Variants in TENM3 observed in about 807,000 individuals in gnomAD.
TENM3 encodes teneurin transmembrane protein 3.
A neutral mutation model predicts 255.1 loss-of-function variants in TENM3; 63 were observed. The ratio of observed to expected loss-of-function variants is 0.25; its 90% CI spans 0.20 to 0.30. The LOEUF (loss-of-function observed/expected upper bound fraction) is 0.30. TENM3 is among the 10% of genes least tolerant of loss of function. The probability of loss-of-function intolerance (pLI) is 1.00; values close to 1 mark genes in which losing one functional copy is unlikely to be tolerated. For synonymous variants in TENM3, 1,306 were observed against 1,322.3 expected, an observed-to-expected ratio of 0.99 and a Z score of 0.27; for missense variants, 2,929 against 3,461.1, an observed-to-expected ratio of 0.85 and a Z score of 3.86.
the TENM3 span, among the ~76,000 whole-genome samples, chr4:182,066,289 C>T: frequency 1.3e-5 from 2 of 152,188 alleles, no homozygotes; most frequent in South Asian, 4.1e-4. Context: ...TTTATACACC[C>T]TCTGGGAGAA....
chr4:181,844,193 C>T, the TENM3 span, among the ~76,000 whole-genome samples: 1 of 152,062 alleles, frequency 6.6e-6, no homozygotes, highest in Non-Finnish European at 1.5e-5. Flanking sequence ...AGGCAAAGCC[C>T]TCGTGACGTA....
chr4:182,339,387 C>T (rs1764336720), intron 2 of TENM3, among the ~76,000 whole-genome samples: 1 of 152,176 alleles, frequency 6.6e-6, no homozygotes, highest in East Asian at 1.9e-4. Flanking sequence ...TCTAGTTTAT[C>T]ATTGTTTCAT....
intron 3 of TENM3, among the ~76,000 whole-genome samples, chr4:182,422,878 C>G (rs1770938603): frequency 6.6e-6 from 1 of 152,162 alleles, no homozygotes; most frequent in African/African-American, 2.4e-5. Context: ...TTGCCCCCTT[C>G]TTCCAGATGA....
At chr4:181,672,862 T>C in the TENM3 span, among the ~76,000 whole-genome samples, 1 of 152,174 alleles carries the variant, frequency 6.6e-6, no homozygotes, top group African/African-American at 2.4e-5. Context: ...GTTAAGTACT[T>C]TGCCCTTGTC....
intron 1 of TENM3, among the ~76,000 whole-genome samples, chr4:182,305,817 A>G (rs1406104467): frequency 6.6e-6 from 1 of 152,224 alleles, no homozygotes; most frequent in Admixed American, 6.5e-5. Context: ...ACTTCACAGA[A>G]GCCCATTTCA....
intron 3 of TENM3, among the ~76,000 whole-genome samples, chr4:182,584,494 T>C (rs1325981426): frequency 6.6e-6 from 1 of 152,198 alleles, no homozygotes; most frequent in Non-Finnish European, 1.5e-5. Flanking sequence ...GAAGCAAATT[T>C]TAGTCAATAC....
chr4:182,479,917 T>A (rs1408181674), intron 3 of TENM3, among the ~76,000 whole-genome samples: 1 of 151,994 alleles, frequency 6.6e-6, no homozygotes, highest in African/African-American at 2.4e-5. Context: ...AATTATAAAG[T>A]CTTTTTCCCT....
the TENM3 span, among the ~76,000 whole-genome samples, chr4:181,829,397 T>C: frequency 6.6e-6 from 1 of 152,162 alleles, no homozygotes; most frequent in African/African-American, 2.4e-5. Flanking sequence ...TGGGGCTAAA[T>C]ATGTGTTAAA....
At chr4:181,714,119 G>A in the TENM3 span, among the ~76,000 whole-genome samples, 334 of 152,286 alleles carry the variant, frequency 2.2e-3, 1 homozygote, top group Non-Finnish European at 4.0e-3. Context: ...ACATTTCTTT[G>A]CATGTGAGAT....
chr4:182,214,099 G>A (rs1402783398), intron 1 of TENM3, among the ~76,000 whole-genome samples: 2 of 151,900 alleles, frequency 1.3e-5, no homozygotes, highest in African/African-American at 4.8e-5. Context: ...ACCGCGCCTA[G>A]CCAGAAATGC....
the TENM3 span, among the ~76,000 whole-genome samples, chr4:182,068,991 A>C: frequency 6.6e-6 from 1 of 152,170 alleles, no homozygotes; most frequent in African/African-American, 2.4e-5. Context: ...GATTTTAAAA[A>C]TTAGAAGAAT....
intron 1 of TENM3, among the ~76,000 whole-genome samples, chr4:182,165,969 G>A (rs1249013514): frequency 2.0e-5 from 3 of 152,068 alleles, no homozygotes; most frequent in South Asian, 2.1e-4. Context: ...TAGTAGAGAC[G>A]GGGTTTCACC....
chr4:182,430,014 G>A (rs1166485446), intron 3 of TENM3, among the ~76,000 whole-genome samples: 1 of 152,202 alleles, frequency 6.6e-6, no homozygotes, highest in Non-Finnish European at 1.5e-5. Context: ...TTGAACTGAA[G>A]CCTGTCTGAC....
At chr4:181,828,826 G>T in the TENM3 span, among the ~76,000 whole-genome samples, 1 of 152,284 alleles carries the variant, frequency 6.6e-6, no homozygotes, top group Admixed American at 6.5e-5. Flanking sequence ...CTGACCTCAA[G>T]TGTTCCACTC....
chr4:182,110,992 G>A, the TENM3 span, among the ~76,000 whole-genome samples: 1 of 152,116 alleles, frequency 6.6e-6, no homozygotes, highest in Non-Finnish European at 1.5e-5. Flanking sequence ...AAGTGCTGTT[G>A]TTAGCATATT....
chr4:181,851,882 C>T, the TENM3 span, among the ~76,000 whole-genome samples: 1 of 152,162 alleles, frequency 6.6e-6, no homozygotes, highest in Non-Finnish European at 1.5e-5. Flanking sequence ...GTCTACCAAG[C>T]TGTTTGCCCC....
chr4:182,747,562 T>C (rs969775516), intron 19 of TENM3, among the ~76,000 whole-genome samples: 1 of 152,206 alleles, frequency 6.6e-6, no homozygotes, highest in Non-Finnish European at 1.5e-5. Flanking sequence ...CTTTAATATG[T>C]AGTAAGTTTT....
chr4:182,321,800 C>A (rs1029747072), intron 1 of TENM3, among the ~76,000 whole-genome samples: 1 of 151,728 alleles, frequency 6.6e-6, no homozygotes, highest in African/African-American at 2.4e-5. Flanking sequence ...AAAGAAGTAG[C>A]CGGATGTGGT....
At chr4:181,597,819 G>T in the TENM3 span, among the ~76,000 whole-genome samples, 1 of 152,078 alleles carries the variant, frequency 6.6e-6, no homozygotes, top group Non-Finnish European at 1.5e-5. Flanking sequence ...TGCCATAGAA[G>T]GTTATGGGAA....
Sources: gnomAD v4.1 joint callset for allele counts (sites outside exome capture counted in the v4.1 genomes callset) on GRCh38, gnomAD v4.1.1 for gene constraint, MANE v1.5 for transcripts, NCBI Gene and HGNC (gene_info 2026-07-23, HGNC 2026-07-21) for gene names.